Variants in CCDC73 observed in about 807,000 individuals in gnomAD.
CCDC73 encodes the protein coiled-coil domain-containing protein 73.
A neutral mutation model predicts 116.5 loss-of-function variants in CCDC73; 95 were observed. That is an observed-to-expected ratio of 0.82 (90% CI 0.69 to 0.97). The LOEUF is 0.97. Among genes scored for constraint, CCDC73 ranks in the 50% least tolerant of loss-of-function variants. The pLI is 0.00. For missense variants in CCDC73, 1,066 were observed against 1,206.8 expected (o/e 0.88, Z 1.73); for synonymous variants, 398 against 401.3 (o/e 0.99, Z 0.10).
chr11:32,742,171 C>T (rs1260711792), intron 2 of CCDC73, among the ~76,000 whole-genome samples: 3 of 152,106 alleles, frequency 2.0e-5, no homozygotes, highest in African/African-American at 7.2e-5. Flanking sequence ...TGGGTATATG[C>T]CCAGTAATGG....
At chr11:32,703,303 G>C (rs956235764) in intron 3 of CCDC73, among the ~76,000 whole-genome samples, 1 of 151,996 alleles carries the variant, frequency 6.6e-6, no homozygotes, top group Non-Finnish European at 1.5e-5. Flanking sequence ...GCCCAGGCTA[G>C]TCTCAAACTC....
At chr11:32,703,452 T>A (rs183098647) in intron 3 of CCDC73, among the ~76,000 whole-genome samples, 69 of 151,906 alleles carry the variant, frequency 4.5e-4, no homozygotes, top group African/African-American at 1.6e-3. Context: ...TGTTGCTTTT[T>A]TCATGAAAAA....
chr11:32,774,587 C>T (rs1850517818), intron 1 of CCDC73, among the ~76,000 whole-genome samples: 1 of 151,352 alleles, frequency 6.6e-6, no homozygotes, highest in Admixed American at 6.6e-5. Context: ...TTCAGAAAAC[C>T]ATGGAAGAGA....
At chr11:32,611,918 A>T (rs190071274) in intron 16 of CCDC73, among the ~76,000 whole-genome samples, 2,778 of 152,322 alleles carry the variant, frequency 0.018, 49 homozygotes, top group Non-Finnish European at 0.028. Flanking sequence ...TTCAAAAAAA[A>T]TGGTAGATTT....
At chr11:32,793,812 T>C (rs1236223202) in intron 1 of CCDC73, among the ~76,000 whole-genome samples, 1 of 152,028 alleles carries the variant, frequency 6.6e-6, no homozygotes, top group East Asian at 1.9e-4. Context: ...GGTTTCACCA[T>C]GTTGACCAGG....
chr11:32,714,605 A>G (rs1247440400), intron 3 of CCDC73, among the ~76,000 whole-genome samples: 1 of 152,144 alleles, frequency 6.6e-6, no homozygotes, highest in Admixed American at 6.5e-5. Flanking sequence ...CATGTCTCCC[A>G]GATGAACAGA....
At chr11:32,796,613 C>T (rs1850730002), upstream of CCDC73, among the ~76,000 whole-genome samples, 1 of 152,166 alleles carries the variant, frequency 6.6e-6, no homozygotes, top group African/African-American at 2.4e-5. Context: ...GTCCTGTCCA[C>T]GATTCATGTT....
chr11:32,652,643 C>T (rs1257692413), intron 12 of CCDC73, among the ~76,000 whole-genome samples: 2 of 152,192 alleles, frequency 1.3e-5, no homozygotes, highest in Admixed American at 6.5e-5. Flanking sequence ...TTCTCCTTCC[C>T]AGTCATTTCC....
chr11:32,667,465 G>C (rs1299108201), intron 9 of CCDC73, among the ~76,000 whole-genome samples: 1 of 152,214 alleles, frequency 6.6e-6, no homozygotes, highest in African/African-American at 2.4e-5. Context: ...TCCAAGCCAG[G>C]CACAGGATAT....
intron 3 of CCDC73, among the ~76,000 whole-genome samples, chr11:32,715,037 A>G (rs750398077): frequency 4.9e-4 from 75 of 152,178 alleles, no homozygotes; most frequent in Admixed American, 2.3e-3. Flanking sequence ...CTTTACAAAA[A>G]AAGCTTGCTA....
intron 9 of CCDC73, among the ~76,000 whole-genome samples, chr11:32,671,528 T>G (rs752637293): frequency 6.6e-6 from 1 of 152,074 alleles, no homozygotes; most frequent in Non-Finnish European, 1.5e-5. Flanking sequence ...AAGTTTTAAA[T>G]AAGTGATATA....
chr11:32,697,151 AT>A (rs1233322512), intron 6 of CCDC73, among the ~76,000 whole-genome samples: 1 of 151,310 alleles, frequency 6.6e-6, no homozygotes, highest in Admixed American at 6.6e-5. Flanking sequence ...GTATGTTAAC[AT>A]TTTTCCATAC....
rs950075765 is a variant in CCDC73, at chr11:32,700,773, T to A, written c.315+18A>T. On this transcript the variant is annotated intron_variant, in intron 5 of 17. Coordinates refer to ENST00000335185, the MANE Select transcript of CCDC73 (RefSeq NM_001008391.4). ...ATACTTTTTAATAGACAGAAAATTT[T>A]AAAAAAATTATAAATACCTTTTCTT... is the stretch of plus-strand genomic sequence containing the variant. The A allele has an allele frequency of 2.5e-5, 33 of 1,301,922 alleles. 1 individual carries two copies. The highest frequency in any genetic ancestry group is 1.8e-4 in the Admixed American group (7 of 39,168). 80.6% of individuals were successfully genotyped at this position (1,301,922 alleles called of 1,614,324 possible).
At chr11:32,695,324 G>A (rs1176587364) in intron 6 of CCDC73, among the ~76,000 whole-genome samples, 4 of 150,316 alleles carry the variant, frequency 2.7e-5, no homozygotes, top group East Asian at 2.0e-4. Context: ...AGCCGAGATC[G>A]CGCCACTGCA....
chr11:32,727,990 G>A (rs1460723399), intron 2 of CCDC73, among the ~76,000 whole-genome samples: 7 of 152,042 alleles, frequency 4.6e-5, no homozygotes, highest in East Asian at 1.9e-4. Flanking sequence ...GGTGGCTCAC[G>A]CCTGTAATCC....
intron 5 of CCDC73, 52 bp downstream of exon 5, chr11:32,700,739 T>C: frequency 1.1e-6 from 1 of 870,484 alleles, no homozygotes; most frequent in Non-Finnish European, 1.8e-6. Flanking sequence ...AATTATTTTG[T>C]AAAAGTAAAT....
In CCDC73 at chr11:32,706,519, C is replaced by T. The variant is rs115720930; in HGVS notation, c.208-3575G>A. Among the ~76,000 whole-genome samples the T allele has an allele frequency of 7.2e-3, 1,102 of 152,190 alleles. 17 individuals carry two copies. Among genetic ancestry groups the T allele is most frequent in the African/African-American group, 0.025 (1,051 of 41,502 alleles). On this transcript the variant is annotated intron_variant, in intron 3 of 17. Transcript: ENST00000335185. Reference sequence around the variant, plus strand: ...GTAAAGACACGTATAAGTACTTATACGCAGAAAGTACATTAGAAAAATAAT... The same window carrying T: ...GTAAAGACACGTATAAGTACTTATATGCAGAAAGTACATTAGAAAAATAAT...
chr11:32,611,862 C>T (rs942901514), intron 16 of CCDC73, among the ~76,000 whole-genome samples: 1 of 152,026 alleles, frequency 6.6e-6, no homozygotes, highest in Middle Eastern at 3.2e-3. Flanking sequence ...TTAGATATCA[C>T]CCTTTGTATC....
chr11:32,616,153 T>G, intron 14 of CCDC73, 24 bp from the exon 15 acceptor site: 1 of 1,543,568 alleles, frequency 6.5e-7, no homozygotes, highest in Non-Finnish European at 8.7e-7. Context: ...GAAGAGATTC[T>G]TTTAAAAACA....
Sources: allele counts gnomAD v4.1 joint callset (sites outside exome capture counted in the v4.1 genomes callset), GRCh38; gene constraint gnomAD v4.1.1; transcripts MANE v1.5; gene names NCBI Gene and HGNC (gene_info 2026-07-23, HGNC 2026-07-21).